KLHL29: variants seen among roughly 807,000 people sequenced by gnomAD.
KLHL29 encodes kelch-like protein 29.
In KLHL29, 21 loss-of-function variants were observed where a neutral mutation model predicts 80.4. The ratio of observed to expected loss-of-function variants is 0.26; its 90% CI spans 0.19 to 0.38. The LOEUF (loss-of-function observed/expected upper bound fraction) is 0.38, where lower values mean the gene tolerates loss of function less well. KLHL29 is among the 10% of genes least tolerant of loss of function. The probability of loss-of-function intolerance (pLI) is 1.00; values close to 1 mark genes in which losing one functional copy is unlikely to be tolerated. For missense variants in KLHL29, 867 were observed against 1,223.9 expected, an observed-to-expected ratio of 0.71 and a Z score of 4.35; for synonymous variants, 511 against 526.8, an observed-to-expected ratio of 0.97 and a Z score of 0.41.
intron 3 of KLHL29, among the ~76,000 whole-genome samples, chr2:23,605,406 C>T (rs1159369616): frequency 6.6e-6 from 1 of 151,980 alleles, no homozygotes; most frequent in Non-Finnish European, 1.5e-5. Context: ...CCTACCTGCC[C>T]CTTATGGAGC....
intron 1 of KLHL29, among the ~76,000 whole-genome samples, chr2:23,389,217 A>G (rs1483685632): frequency 6.6e-6 from 1 of 152,120 alleles, no homozygotes; most frequent in Non-Finnish European, 1.5e-5. Context: ...TCATAGTAAC[A>G]TTGTAAGTCC....
intron 5 of KLHL29, among the ~76,000 whole-genome samples, chr2:23,660,033 CT>C (rs1670361593): frequency 6.6e-6 from 1 of 152,142 alleles, no homozygotes; most frequent in Admixed American, 6.5e-5. Flanking sequence ...CACACCACCC[CT>C]ATCTAGACCT....
At chr2:23,478,787 T>G (rs574718548) in intron 2 of KLHL29, among the ~76,000 whole-genome samples, 23 of 152,152 alleles carry the variant, frequency 1.5e-4, no homozygotes, top group African/African-American at 5.3e-4. Flanking sequence ...AGGCCGTTTG[T>G]CCCCCTGCCC....
chr2:23,608,848 AC>A (rs1668790879), intron 3 of KLHL29, among the ~76,000 whole-genome samples: 1 of 152,240 alleles, frequency 6.6e-6, no homozygotes. Flanking sequence ...CTGTTTTATC[AC>A]CATTAATAAT....
intron 1 of KLHL29, among the ~76,000 whole-genome samples, chr2:23,443,816 G>C (rs1310114255): frequency 6.6e-6 from 1 of 152,184 alleles, no homozygotes; most frequent in Non-Finnish European, 1.5e-5. Context: ...CCATTGTGAA[G>C]GTAGATTTTT....
intron 2 of KLHL29, among the ~76,000 whole-genome samples, chr2:23,482,004 G>A (rs6728515): frequency 0.12 from 17,529 of 152,086 alleles, 1,168 homozygotes; most frequent in East Asian, 0.27. Flanking sequence ...TCACCAAAGC[G>A]CCACCCAGTT....
chr2:23,670,917 G>GCGCGCGCGCGCTCT (rs150131401), intron 5 of KLHL29, among the ~76,000 whole-genome samples: 1 of 18,534 alleles, frequency 5.4e-5, no homozygotes. Flanking sequence ...ACATGCACGC[G>GCGCGCGCGCGCTCT]CTCTCTCTCT....
At chr2:23,443,306 TG>T (rs942724173) in intron 1 of KLHL29, among the ~76,000 whole-genome samples, 2 of 152,244 alleles carry the variant, frequency 1.3e-5, no homozygotes, top group Non-Finnish European at 2.9e-5. Context: ...GACATTCTCC[TG>T]CTTTGCCACA....
chr2:23,533,173 G>A (rs73919741), intron 2 of KLHL29, among the ~76,000 whole-genome samples: 10 of 152,264 alleles, frequency 6.6e-5, no homozygotes, highest in African/African-American at 2.4e-4. Context: ...GGCAGGCCTG[G>A]GGGTCAAAGG....
intron 3 of KLHL29, among the ~76,000 whole-genome samples, chr2:23,604,410 A>C (rs1377812215): frequency 6.6e-6 from 1 of 152,082 alleles, no homozygotes; most frequent in Non-Finnish European, 1.5e-5. Context: ...GATCATTTCT[A>C]TTCTCTATAA....
chr2:23,497,070 A>AC (rs950765698), intron 2 of KLHL29, among the ~76,000 whole-genome samples: 2 of 152,012 alleles, frequency 1.3e-5, no homozygotes, highest in African/African-American at 4.8e-5. Context: ...GAAAAAAAAA[A>AC]AAAACTATGA....
At chr2:23,419,475 G>A (rs527518979) in intron 1 of KLHL29, among the ~76,000 whole-genome samples, 97 of 152,272 alleles carry the variant, frequency 6.4e-4, no homozygotes, top group Non-Finnish European at 1.0e-3. Flanking sequence ...CTGCACTCAC[G>A]TACACATGTG....
intron 3 of KLHL29, among the ~76,000 whole-genome samples, chr2:23,583,158 G>C (rs891673299): frequency 1.3e-5 from 2 of 152,094 alleles, no homozygotes; most frequent in Non-Finnish European, 2.9e-5. Context: ...TTCAGACTTC[G>C]GACCTCCCAA....
chr2:23,661,690 C>G (rs1415586878), intron 5 of KLHL29, among the ~76,000 whole-genome samples: 1 of 152,274 alleles, frequency 6.6e-6, no homozygotes, highest in African/African-American at 2.4e-5. Flanking sequence ...GGAAGAATCT[C>G]CAAACCCATG....
rs1333204045 is a variant in KLHL29 at position 23,562,775 on chromosome 2, T to G, written c.285+294T>G. On this transcript the variant is annotated intron_variant, in intron 3 of 13. Coordinates refer to ENST00000486442, the MANE Select transcript of KLHL29 (RefSeq NM_052920.2). The surrounding 1 kb of genome is among the most constrained non-coding windows in gnomAD (Gnocchi z 4.5). ...ATGCTATTAATGAGTGAAGTAACAG[T>G]GGACCTCCAAGATGGCAATATGGGG... Among the ~76,000 whole-genome samples, 1 of 152,188 alleles carries G rather than the reference T, an allele frequency of 6.6e-6. No homozygotes were observed. The highest frequency in any genetic ancestry group is 1.5e-5 in the Non-Finnish European group (1 of 68,032).
chr2:23,671,701 C>A (rs532344677), intron 5 of KLHL29, among the ~76,000 whole-genome samples: 2 of 152,194 alleles, frequency 1.3e-5, no homozygotes, highest in African/African-American at 2.4e-5. Context: ...TCCCTAGGAC[C>A]CCCAGTGGAG....
At chr2:23,628,020 C>A (rs770740034) in intron 3 of KLHL29, among the ~76,000 whole-genome samples, 46 of 150,688 alleles carry the variant, frequency 3.1e-4, no homozygotes, top group Non-Finnish European at 6.2e-4. Flanking sequence ...GGCAGCAGTT[C>A]TGCTGCCTCA....
chr2:23,579,634 T>C (rs1667931257), intron 3 of KLHL29, among the ~76,000 whole-genome samples: 1 of 152,168 alleles, frequency 6.6e-6, no homozygotes, highest in South Asian at 2.1e-4. Context: ...ATATCTCACT[T>C]GAGGGGACAG....
chr2:23,532,808 C>T (rs577801048), intron 2 of KLHL29, among the ~76,000 whole-genome samples: 5 of 152,218 alleles, frequency 3.3e-5, no homozygotes, highest in South Asian at 4.2e-4. Flanking sequence ...CTCTGCAAAT[C>T]GAGGCGCGTT....
Sources: allele counts gnomAD v4.1 joint callset (sites outside exome capture counted in the v4.1 genomes callset), GRCh38; gene constraint gnomAD v4.1.1; non-coding constraint Gnocchi (gnomAD v3.1); transcripts MANE v1.5; gene names NCBI Gene and HGNC (gene_info 2026-07-23, HGNC 2026-07-21).